L3MBTL4: variants seen among roughly 807,000 people sequenced by gnomAD.
L3MBTL4 encodes L3MBTL histone methyl-lysine binding protein 4.
A neutral mutation model predicts 84.5 loss-of-function variants in L3MBTL4; 70 were observed. That is an observed-to-expected ratio of 0.83 (90% CI 0.68 to 1.01). The LOEUF (loss-of-function observed/expected upper bound fraction) is 1.01. Among genes scored for constraint, L3MBTL4 ranks in the 50% least tolerant of loss-of-function variants. The pLI, the probability that L3MBTL4 is intolerant of heterozygous loss-of-function variation, is 0.00. For missense variants in L3MBTL4, 715 were observed against 754.8 expected, an observed-to-expected ratio of 0.95 and a Z score of 0.62; for synonymous variants, 274 against 259.8, an observed-to-expected ratio of 1.05 and a Z score of -0.52.
At chr18:6,056,044 G>A (rs1257897428) in intron 16 of L3MBTL4, among the ~76,000 whole-genome samples, 1 of 152,062 alleles carries the variant, frequency 6.6e-6, no homozygotes, top group Non-Finnish European at 1.5e-5. Context: ...GGGAGTGGTA[G>A]TTTCCTCTAC....
At chr18:6,237,311 T>C (rs2047253210) in intron 10 of L3MBTL4, among the ~76,000 whole-genome samples, 1 of 151,992 alleles carries the variant, frequency 6.6e-6, no homozygotes, top group Admixed American at 6.6e-5. Flanking sequence ...ATCATAGCAT[T>C]CAATTAATGA....
chr18:6,215,716 T>A, intron 11 of L3MBTL4, 34 bp downstream of exon 11: 1 of 1,278,236 alleles, frequency 7.8e-7, no homozygotes, highest in Non-Finnish European at 1.1e-6. Context: ...AAACGTTGTT[T>A]AAAGGTGAGA....
At chr18:6,074,347 T>C (rs1006611361) in intron 16 of L3MBTL4, among the ~76,000 whole-genome samples, 1 of 152,232 alleles carries the variant, frequency 6.6e-6, no homozygotes, top group Non-Finnish European at 1.5e-5. Flanking sequence ...ATGCCCTCTC[T>C]GGAGTGTCCA....
At chr18:6,372,049 G>A (rs1317371966) in intron 1 of L3MBTL4, among the ~76,000 whole-genome samples, 1 of 152,196 alleles carries the variant, frequency 6.6e-6, no homozygotes, top group African/African-American at 2.4e-5. Flanking sequence ...CAAGACTGCA[G>A]GCCCTGACCA....
At chr18:6,238,291 C>T (rs113640505) in intron 9 of L3MBTL4, among the ~76,000 whole-genome samples, 1,730 of 152,184 alleles carry the variant, frequency 0.011, 31 homozygotes, top group African/African-American at 0.039. Flanking sequence ...CCCAGCATTT[C>T]GGGAGGCCGA....
At chr18:5,993,361 C>T (rs950912125) in intron 16 of L3MBTL4, among the ~76,000 whole-genome samples, 9 of 152,342 alleles carry the variant, frequency 5.9e-5, no homozygotes, top group Admixed American at 1.3e-4. Flanking sequence ...GAAGAACAGC[C>T]TGTCTAGGTG....
chr18:6,222,964 ATATAATATAAT>A (rs1033021558), intron 10 of L3MBTL4, among the ~76,000 whole-genome samples: 2 of 148,328 alleles, frequency 1.3e-5, no homozygotes, highest in African/African-American at 4.9e-5. Context: ...ATATAATATA[ATATAATATAAT>A]ATAATATAAG....
At chr18:6,236,673 A>G (rs1168619689) in intron 10 of L3MBTL4, among the ~76,000 whole-genome samples, 1 of 152,234 alleles carries the variant, frequency 6.6e-6, no homozygotes, top group African/African-American at 2.4e-5. Context: ...ACTTTTACAG[A>G]AAAATAAAAC....
intron 6 of L3MBTL4, 54 bp from the exon 7 acceptor site, chr18:6,243,483 A>T: frequency 6.9e-7 from 1 of 1,446,668 alleles, no homozygotes; most frequent in Middle Eastern, 1.8e-4. Flanking sequence ...TTTGGAGTAG[A>T]CACAAAATTC....
chr18:6,137,365 T>G (rs988442376), intron 14 of L3MBTL4, among the ~76,000 whole-genome samples: 31 of 152,252 alleles, frequency 2.0e-4, no homozygotes, highest in African/African-American at 7.2e-4. Flanking sequence ...GGCATTTCCT[T>G]TTATTCAGTT....
intron 12 of L3MBTL4, among the ~76,000 whole-genome samples, chr18:6,209,350 C>T (rs2046002450): frequency 6.6e-6 from 1 of 150,602 alleles, no homozygotes; most frequent in Non-Finnish European, 1.5e-5. Context: ...TATTTCATCC[C>T]AATTCTCTTA....
intron 4 of L3MBTL4, among the ~76,000 whole-genome samples, chr18:6,301,448 A>G (rs1049861960): frequency 2.6e-5 from 4 of 152,224 alleles, no homozygotes; most frequent in Non-Finnish European, 5.9e-5. Flanking sequence ...GCTATTATCT[A>G]AAACCTATTG....
rs908386779 is a variant in L3MBTL4, at chr18:6,243,350, T to C, written c.404A>G (p.Asp135Gly). ...YDFWTNAGSP[D>G]IHPVGWCEKT... ...TTCACACCATCCTACTGGATGAATG[T>C]CAGGGGAACCAGCATTGGTCCAAAA... The change falls in exon 7 of 19, where the codon GAC (aspartate) becomes GGC (glycine). Residue 135 changes from aspartate to glycine, a missense_variant. Physicochemically the swap from Asp to Gly is moderately conservative, Grantham distance 94. Coordinates refer to ENST00000317931, the MANE Select transcript of L3MBTL4 (RefSeq NM_001330559.2). 17 of 1,606,554 alleles carry C rather than the reference T, an allele frequency of 1.1e-5. No individual in the cohort carries two copies. Among genetic ancestry groups the C allele is most frequent in the African/African-American group, 9.4e-5 (7 of 74,804 alleles).
chr18:6,057,882 A>G (rs550590946), intron 16 of L3MBTL4, among the ~76,000 whole-genome samples: 1 of 152,340 alleles, frequency 6.6e-6, no homozygotes, highest in Admixed American at 6.5e-5. Context: ...TATAGTTCCT[A>G]AGCCTATTTT....
intron 5 of L3MBTL4, among the ~76,000 whole-genome samples, chr18:6,253,083 T>C (rs1200754557): frequency 1.3e-5 from 2 of 152,170 alleles, no homozygotes; most frequent in Non-Finnish European, 2.9e-5. Flanking sequence ...GCACCTGTGG[T>C]CCCAGCTACT....
At chr18:6,221,793 T>G (rs2046566063) in intron 10 of L3MBTL4, among the ~76,000 whole-genome samples, 1 of 152,206 alleles carries the variant, frequency 6.6e-6, no homozygotes. Context: ...CTTATTCATT[T>G]GTTTCAAGTG....
At chr18:6,121,685 CGT>C (rs762077935) in intron 14 of L3MBTL4, among the ~76,000 whole-genome samples, 1,967 of 142,208 alleles carry the variant, frequency 0.014, 18 homozygotes, top group African/African-American at 0.024. Flanking sequence ...ATTGTTTCCC[CGT>C]GTGTGTGTGT....
chr18:6,031,190 A>G lies in L3MBTL4; in HGVS notation c.1444+49691T>C, dbSNP rs562394002. ...CCTCTCCCTCCTCCCCCGTGGGAGTAGAATGATCATTGAGCATTATTTTAG... is the reference window on the plus strand; with the variant it reads ...CCTCTCCCTCCTCCCCCGTGGGAGTGGAATGATCATTGAGCATTATTTTAG... On this transcript the variant is annotated intron_variant, in intron 16 of 18. Transcript: ENST00000317931. 1.3e-5 allele frequency: 13 copies of G among 985,438 alleles called. No homozygotes were observed. In the South Asian group the frequency reaches 5.2e-4, roughly 39 times the overall value. The allele number at this position is 985,438 out of a possible 1,614,324, so 61.0% of individuals were successfully genotyped here. A position where few individuals can be genotyped will look rare whatever the true frequency, so the allele number is the denominator to read the frequency against.
chr18:6,099,000 C>T (rs1356604208), intron 14 of L3MBTL4, among the ~76,000 whole-genome samples: 3 of 152,136 alleles, frequency 2.0e-5, no homozygotes, highest in Non-Finnish European at 4.4e-5. Flanking sequence ...GAAAGGGGCT[C>T]AGCGATGGAA....
Sources: allele counts gnomAD v4.1 joint callset (sites outside exome capture counted in the v4.1 genomes callset), GRCh38; gene constraint gnomAD v4.1.1; transcripts MANE v1.5; gene names NCBI Gene and HGNC (gene_info 2026-07-23, HGNC 2026-07-21).